The following AMBRA1 variants were observed in gnomAD, a reference collection of about 807,000 sequenced individuals.
The protein encoded by AMBRA1 is activating molecule in BECN1-regulated autophagy protein 1.
In AMBRA1, 47 loss-of-function variants were observed where a neutral mutation model predicts 125.4. The observed-to-expected ratio is 0.37, with a 90% CI of 0.30 to 0.48. The LOEUF is 0.48. AMBRA1 is among the 20% of genes least tolerant of loss of function. The pLI, the probability that AMBRA1 is intolerant of heterozygous loss-of-function variation, is 0.99. For missense variants in AMBRA1, 1,331 were observed against 1,693.4 expected (o/e 0.79, Z 3.76); for synonymous variants, 626 against 655.5 (o/e 0.95, Z 0.69).
intron 11 of AMBRA1, among the ~76,000 whole-genome samples, chr11:46,459,515 A>G (rs1005751024): frequency 5.9e-5 from 9 of 152,160 alleles, no homozygotes; most frequent in African/African-American, 1.9e-4. Context: ...GTTCGAGACC[A>G]GCCTGGCCAA....
intron 11 of AMBRA1, among the ~76,000 whole-genome samples, chr11:46,454,358 T>A (rs1948751115): frequency 6.6e-6 from 1 of 151,578 alleles, no homozygotes; most frequent in East Asian, 1.9e-4. Flanking sequence ...GTATCACAGC[T>A]TCATAAAAAA....
At chr11:46,431,194 G>A (rs1452124603) in intron 14 of AMBRA1, among the ~76,000 whole-genome samples, 3 of 152,202 alleles carry the variant, frequency 2.0e-5, no homozygotes, top group African/African-American at 4.8e-5. Flanking sequence ...TCTCTTGGGT[G>A]ACAGGAACAC....
Position 46,415,987 on chromosome 11 carries a change from C to G in AMBRA1, c.3116+1926G>C, listed in dbSNP as rs1327364516. On this transcript the variant is annotated intron_variant, in intron 15 of 17. Transcript: ENST00000683756. Reference sequence around the variant, plus strand: ...AGACATAAAAACCTTTATGAGGCCACAACAAACTGGGTGTAGATTATTTTT... The same window carrying G: ...AGACATAAAAACCTTTATGAGGCCAGAACAAACTGGGTGTAGATTATTTTT... 2.0e-5 allele frequency among the ~76,000 whole-genome samples: 3 copies of G among 152,128 alleles called. No individual in the cohort carries two copies. The East Asian group carries it at 5.8e-4, about 29-fold the overall frequency.
intron 9 of AMBRA1, among the ~76,000 whole-genome samples, chr11:46,505,936 A>G (rs1488408426): frequency 2.0e-5 from 3 of 152,150 alleles, no homozygotes; most frequent in Non-Finnish European, 4.4e-5. Flanking sequence ...GCGTGCATGG[A>G]AAGAGGGCTA....
intron 11 of AMBRA1, among the ~76,000 whole-genome samples, chr11:46,455,641 C>T (rs1948817684): frequency 6.6e-6 from 1 of 152,204 alleles, no homozygotes; most frequent in South Asian, 2.1e-4. Flanking sequence ...GAGGATAGGG[C>T]TCATGCCATC....
chr11:46,545,169 G>C lies in AMBRA1; in HGVS notation c.551+435C>G, dbSNP rs1333400342. ...AAAAAAAAAAAAAAAGCCGGGGGGG[G>C]GGGGGTGGTGGTGGGCATGGTGGCT... On this transcript the variant is annotated intron_variant, in intron 5 of 17. Transcript: ENST00000683756. Among the ~76,000 whole-genome samples the C allele has an allele frequency of 4.9e-5, 7 of 142,894 alleles. 2 individuals carry two copies. The highest frequency in any genetic ancestry group is 1.4e-4 in the Admixed American group (2 of 14,472). The allele number at this position is 142,894 out of a possible 152,430, so 93.7% of individuals were successfully genotyped here.
At chr11:46,590,658 G>T (rs190895335) in intron 1 of AMBRA1, among the ~76,000 whole-genome samples, 3 of 151,950 alleles carry the variant, frequency 2.0e-5, no homozygotes, top group African/African-American at 7.3e-5. Flanking sequence ...TTCTGAACCC[G>T]TCCAGTTTTT....
chr11:46,464,097 A>G (rs1207135459), intron 11 of AMBRA1, among the ~76,000 whole-genome samples: 1 of 152,220 alleles, frequency 6.6e-6, no homozygotes, highest in Non-Finnish European at 1.5e-5. Flanking sequence ...AATTCCAACA[A>G]TGGTTAATGA....
At chr11:46,589,863 C>T (rs1408969528) in intron 1 of AMBRA1, among the ~76,000 whole-genome samples, 1 of 151,360 alleles carries the variant, frequency 6.6e-6, no homozygotes, top group East Asian at 2.0e-4. Context: ...ACCTCATGAT[C>T]CACCCACCTT....
chr11:46,428,898 G>C lies in AMBRA1; in HGVS notation c.2976+4576C>G, dbSNP rs568375638. On this transcript the variant is annotated intron_variant, in intron 14 of 17. Transcript: ENST00000683756. Reference sequence around the variant, plus strand: ...ATGGCAGGCACAATCTCTGGGGGCAGATGAAGGTAATCACGGAGATACTGG... The same window carrying C: ...ATGGCAGGCACAATCTCTGGGGGCACATGAAGGTAATCACGGAGATACTGG... The C allele has an allele frequency of 2.3e-5, 37 of 1,611,882 alleles. No homozygotes were observed. The African/African-American group carries it at 4.7e-4, about 20-fold the overall frequency.
At chr11:46,407,618 C>A (rs1946088488) in intron 17 of AMBRA1, among the ~76,000 whole-genome samples, 1 of 152,252 alleles carries the variant, frequency 6.6e-6, no homozygotes, top group Admixed American at 6.5e-5. Flanking sequence ...AGAGGGACTT[C>A]ACTTTGAAAA....
chr11:46,398,257 G>A (rs1945551863), intron 17 of AMBRA1, among the ~76,000 whole-genome samples: 1 of 152,196 alleles, frequency 6.6e-6, no homozygotes, highest in Non-Finnish European at 1.5e-5. Flanking sequence ...CTTAGCATGC[G>A]AGAAGGCAGG....
At chr11:46,493,949 C>T in intron 10 of AMBRA1, 175 bp downstream of exon 10, 3 of 682,136 alleles carry the variant, frequency 4.4e-6, no homozygotes, top group African/African-American at 1.8e-5. Context: ...ACTTTTTCAT[C>T]TCTTTTGAAT....
Position 46,543,064 on chromosome 11 carries a change from C to G in AMBRA1, c.953G>C (p.Arg318Pro). Residue 318 changes from arginine (R) to proline (P), a missense_variant, in exon 7 of 18, where the codon CGA becomes CCA. By Grantham distance (103) the Arg-to-Pro change is moderately radical (BLOSUM62 -2). Around this residue, in one of 4 missense-constraint regions of AMBRA1, gnomAD observed 689 missense variants for 776.5 expected, o/e 0.89. Coordinates refer to ENST00000683756, the MANE Select transcript of AMBRA1 (RefSeq NM_001387011.1). ...LCLCSRCSGT[R>P]VPSLLPHQDS... Reference sequence around the variant, plus strand: ...CTGGTGTGGCAAGAGGGAAGGAACTCGAGTGCCAGAGCAGCGGCTGCAAAG... The same window carrying G: ...CTGGTGTGGCAAGAGGGAAGGAACTGGAGTGCCAGAGCAGCGGCTGCAAAG... 1 of 1,597,984 alleles carries G rather than the reference C, an allele frequency of 6.3e-7. No individual in the cohort carries two copies. Among genetic ancestry groups the G allele is most frequent in the Non-Finnish European group, 8.5e-7 (1 of 1,179,280 alleles).
At chr11:46,560,769 T>C (rs2043305883) in intron 1 of AMBRA1, among the ~76,000 whole-genome samples, 1 of 152,114 alleles carries the variant, frequency 6.6e-6, no homozygotes, top group African/African-American at 2.4e-5. Flanking sequence ...TACTCTTAAA[T>C]GTACAGAAAT....
chr11:46,535,754 A>G (rs1952443893), intron 7 of AMBRA1, among the ~76,000 whole-genome samples: 1 of 152,206 alleles, frequency 6.6e-6, no homozygotes, highest in African/African-American at 2.4e-5. Flanking sequence ...TGTCAAGAGC[A>G]AGCTGTATTC....
intron 11 of AMBRA1, among the ~76,000 whole-genome samples, chr11:46,444,733 A>G (rs1948192413): frequency 6.6e-6 from 1 of 152,152 alleles, no homozygotes; most frequent in Admixed American, 6.5e-5. Flanking sequence ...TTTTTCTTTT[A>G]GAGAGCGGCA....
chr11:46,447,864 A>G (rs1214903808), intron 11 of AMBRA1, among the ~76,000 whole-genome samples: 1 of 152,186 alleles, frequency 6.6e-6, no homozygotes, highest in Non-Finnish European at 1.5e-5. Context: ...TTGCATCTAC[A>G]GTTACAGCCT....
intron 15 of AMBRA1, among the ~76,000 whole-genome samples, chr11:46,415,508 AGAG>A (rs967943361): frequency 6.6e-6 from 1 of 152,240 alleles, no homozygotes; most frequent in Non-Finnish European, 1.5e-5. Context: ...AGGAGGCCTC[AGAG>A]GAGTCTTAAC....
Sources: allele counts gnomAD v4.1 joint callset (sites outside exome capture counted in the v4.1 genomes callset), GRCh38; gene constraint gnomAD v4.1.1; regional missense constraint gnomAD v4.1.1; transcripts MANE v1.5; gene names NCBI Gene and HGNC (gene_info 2026-07-23, HGNC 2026-07-21).